MTERF1: variants seen among roughly 807,000 people sequenced by gnomAD.
The protein encoded by MTERF1 is transcription termination factor 1, mitochondrial.
Under a neutral mutation model 31.6 loss-of-function variants are expected in MTERF1, and 29 were observed. The observed-to-expected ratio is 0.92, with a 90% CI of 0.68 to 1.25. The LOEUF (loss-of-function observed/expected upper bound fraction) is 1.25. MTERF1 is among the 50% of genes most tolerant of loss of function. The pLI is 0.00. For synonymous variants in MTERF1, 152 were observed against 164.1 expected (o/e 0.93, Z 0.57); for missense variants, 500 against 469.1 (o/e 1.07, Z -0.61).
At chr7:91,880,531 C>T (rs1789479393) in intron 1 of MTERF1, 126 bp downstream of exon 1, 1 of 191,274 alleles carries the variant, frequency 5.2e-6, no homozygotes, top group Non-Finnish European at 1.1e-5. Context: ...ACACCGAAGG[C>T]TCTTTCCATC....
chr7:91,876,433 A>C (rs1789349312), intron 2 of MTERF1, among the ~76,000 whole-genome samples: 1 of 152,174 alleles, frequency 6.6e-6, no homozygotes, highest in Admixed American at 6.5e-5. Flanking sequence ...TCCTTCTCCT[A>C]ATTAAGCATA....
Sources: gnomAD v4.1 joint callset for allele counts (sites outside exome capture counted in the v4.1 genomes callset) on GRCh38, gnomAD v4.1.1 for gene constraint, MANE v1.5 for transcripts, NCBI Gene and HGNC (gene_info 2026-07-23, HGNC 2026-07-21) for gene names.